The following OSCP1 variants were observed in gnomAD, a reference collection of about 807,000 sequenced individuals.
OSCP1 encodes organic solute carrier partner 1.
In OSCP1, 35 loss-of-function variants were observed where a neutral mutation model predicts 45.1. That is an observed-to-expected ratio of 0.78 (90% CI 0.59 to 1.03). The LOEUF is 1.03. Among genes scored for constraint, OSCP1 ranks in the 50% least tolerant of loss-of-function variants. The pLI, the probability that OSCP1 is intolerant of heterozygous loss-of-function variation, is 0.00. For missense variants in OSCP1, 400 were observed against 470.7 expected (o/e 0.85, Z 1.39); for synonymous variants, 179 against 180.1 (o/e 0.99, Z 0.05).
chr1:36,420,708 G>C lies in OSCP1; in HGVS notation c.820-93C>G, dbSNP rs1035281702. On this transcript the variant is annotated intron_variant, in intron 7 of 9. Transcript: ENST00000235532. ...ACACAGGTAGGTATTATAAAATAAG[G>C]TAGAACAATTGCTATTTAAATTATT... is the stretch of plus-strand genomic sequence containing the variant. The C allele has an allele frequency of 2.7e-6, 4 of 1,457,742 alleles. No individual in the cohort carries two copies. In the African/African-American group the frequency reaches 5.7e-5, roughly 21 times the overall value. The allele number at this position is 1,457,742 out of a possible 1,614,324, so 90.3% of individuals were successfully genotyped here.
chr1:36,437,328 T>C (rs1648812519), intron 2 of OSCP1, among the ~76,000 whole-genome samples: 1 of 151,864 alleles, frequency 6.6e-6, no homozygotes, highest in Admixed American at 6.6e-5. Flanking sequence ...GAAGGAATTA[T>C]TATTTAAAAA....
intron 4 of OSCP1, among the ~76,000 whole-genome samples, chr1:36,428,992 C>G (rs966626248): frequency 6.6e-6 from 1 of 152,132 alleles, no homozygotes; most frequent in Non-Finnish European, 1.5e-5. Flanking sequence ...CCAGGATGGT[C>G]TTGAACTCCT....
intron 4 of OSCP1, chr1:36,428,260 C>T (rs1648115978): frequency 2.4e-5 from 36 of 1,493,924 alleles, no homozygotes; most frequent in Non-Finnish European, 3.2e-5. Flanking sequence ...TTCCTTTGTC[C>T]ATGGAAGGGA....
In OSCP1 at chr1:36,435,428, T is replaced by C. The variant is rs1391171040; in HGVS notation, c.268-2839A>G. Among the ~76,000 whole-genome samples, 3 of 152,032 alleles carry C rather than the reference T, an allele frequency of 2.0e-5. No individual in the cohort carries two copies. In the East Asian group the frequency reaches 5.8e-4, roughly 29 times the overall value. On this transcript the variant is annotated intron_variant, in intron 2 of 9. Transcript: ENST00000235532. ...TCTCAAAGTGCTGGGATTACAGGTG[T>C]GAGCTACTGTGCTCAGTCTCTAAAC... is the stretch of plus-strand genomic sequence containing the variant.
intron 1 of OSCP1, among the ~76,000 whole-genome samples, chr1:36,440,193 G>A (rs1649036475): frequency 6.6e-6 from 1 of 152,228 alleles, no homozygotes; most frequent in Non-Finnish European, 1.5e-5. Flanking sequence ...TTAGAGCAGA[G>A]GCAAGGTAGA....
chr1:36,438,664 T>C, intron 2 of OSCP1, 92 bp downstream of exon 2: 4 of 1,441,446 alleles, frequency 2.8e-6, no homozygotes, highest in Admixed American at 4.4e-5. Context: ...CAAGGACCAT[T>C]GCATACATCA....
At chr1:36,444,152 G>A in intron 1 of OSCP1, 1 of 1,166,452 alleles carries the variant, frequency 8.6e-7, no homozygotes, top group Non-Finnish European at 1.3e-6. Flanking sequence ...TTTCACGTTG[G>A]CATTTAATGT....
intron 4 of OSCP1, among the ~76,000 whole-genome samples, chr1:36,427,550 C>T (rs1648054938): frequency 6.6e-6 from 1 of 151,910 alleles, no homozygotes; most frequent in Non-Finnish European, 1.5e-5. Context: ...ATCTCTTGAC[C>T]TTGTGATCTG....
At chr1:36,425,600 G>A (rs1281866634) in intron 4 of OSCP1, among the ~76,000 whole-genome samples, 1 of 152,060 alleles carries the variant, frequency 6.6e-6, no homozygotes, top group Admixed American at 6.6e-5. Context: ...TGGGTGTGGT[G>A]GCATGTGCCT....
At chr1:36,438,644 C>A in intron 2 of OSCP1, 112 bp downstream of exon 2, 1 of 1,291,500 alleles carries the variant, frequency 7.7e-7, no homozygotes, top group South Asian at 1.6e-5. Flanking sequence ...TTACACATGC[C>A]TGTTTCTTGC....
intron 4 of OSCP1, chr1:36,428,322 A>G (rs992069905): frequency 6.2e-7 from 1 of 1,609,942 alleles, no homozygotes; most frequent in Non-Finnish European, 8.5e-7. Flanking sequence ...TTAAAATTTT[A>G]TTTTGCCCAG....
chr1:36,418,295 G>A (rs750153245), intron 9 of OSCP1, 40 bp from the exon 10 acceptor site: 175 of 1,595,788 alleles, frequency 1.1e-4, no homozygotes, highest in Middle Eastern at 6.7e-4. Flanking sequence ...TGAAGAGGCT[G>A]TGCTGGCAGG....
intron 4 of OSCP1, among the ~76,000 whole-genome samples, chr1:36,430,961 A>G (rs1648326627): frequency 6.6e-6 from 1 of 152,076 alleles, no homozygotes; most frequent in South Asian, 2.1e-4. Context: ...CGCCGACTCT[A>G]TGGGTCTTAG....
intron 1 of OSCP1, among the ~76,000 whole-genome samples, chr1:36,445,597 A>T (rs1171765424): frequency 1.3e-5 from 2 of 152,238 alleles, no homozygotes; most frequent in East Asian, 3.8e-4. Flanking sequence ...ATCTTCCCCC[A>T]TCAAGAGTCA....
rs770155883 is a variant in OSCP1, at chr1:36,419,065, T to C, written c.960-11A>G. The C allele has an allele frequency of 5.6e-6, 9 of 1,608,082 alleles. No individual in the cohort carries two copies. The highest frequency in any genetic ancestry group is 1.7e-5 in the Admixed American group (1 of 60,000). On this transcript the variant is annotated splice_polypyrimidine_tract_variant and intron_variant, in intron 8 of 9. Transcript: ENST00000235532. ...GTTAGCGCTGCTTGTCTGGATGAGA[T>C]GGTAAAGAAAATGGGTGCAACATTA...
chr1:36,427,647 T>C (rs931475290), intron 4 of OSCP1, among the ~76,000 whole-genome samples: 2 of 152,188 alleles, frequency 1.3e-5, no homozygotes, highest in African/African-American at 2.4e-5. Flanking sequence ...GAATTTTATC[T>C]TGTCGGAACT....
intron 9 of OSCP1, 176 bp from the exon 10 acceptor site, chr1:36,418,431 A>AT (rs962946872): frequency 3.0e-4 from 185 of 614,722 alleles, no homozygotes; most frequent in Non-Finnish European, 4.2e-4. Flanking sequence ...GGGTCTATAT[A>AT]TTTTTTTTCT....
intron 1 of OSCP1, among the ~76,000 whole-genome samples, chr1:36,444,952 A>AT (rs1388397184): frequency 1.3e-5 from 2 of 152,208 alleles, no homozygotes; most frequent in Non-Finnish European, 2.9e-5. Context: ...GACACCACCC[A>AT]TAAAGGATGG....
At chr1:36,449,434 T>C (rs1649741901) in intron 1 of OSCP1, among the ~76,000 whole-genome samples, 1 of 151,772 alleles carries the variant, frequency 6.6e-6, no homozygotes, top group Non-Finnish European at 1.5e-5. Context: ...CTTATTTTTT[T>C]CATATTTATC....
Sources: gnomAD v4.1 joint callset for allele counts (sites outside exome capture counted in the v4.1 genomes callset) on GRCh38, gnomAD v4.1.1 for gene constraint, MANE v1.5 for transcripts, NCBI Gene and HGNC (gene_info 2026-07-23, HGNC 2026-07-21) for gene names.